Variants in PARD3B observed in about 807,000 individuals in gnomAD.
The protein encoded by PARD3B is partitioning defective 3 homolog B.
A neutral mutation model predicts 130.2 loss-of-function variants in PARD3B; 103 were observed. The observed-to-expected ratio is 0.79, with a 90% confidence interval of 0.67 to 0.93. PARD3B has a LOEUF of 0.93. Ranked by LOEUF, PARD3B falls within the 40% of genes least tolerant of loss-of-function variation. The pLI is 0.00. For missense variants in PARD3B, 1,609 were observed against 1,499.2 expected (o/e 1.07, Z -1.21); for synonymous variants, 583 against 553.2 (o/e 1.05, Z -0.76).
At chr2:205,489,567 T>TAC (rs1553524316) in intron 20 of PARD3B, among the ~76,000 whole-genome samples, 16 of 147,730 alleles carry the variant, frequency 1.1e-4, no homozygotes, top group South Asian at 4.2e-4. Flanking sequence ...TACATATATA[T>TAC]ACACACACAC....
intron 15 of PARD3B, among the ~76,000 whole-genome samples, chr2:205,194,046 A>G (rs1235953113): frequency 2.6e-5 from 4 of 152,184 alleles, no homozygotes; most frequent in Non-Finnish European, 5.9e-5. Context: ...CTGCCCTCCC[A>G]TGGGCTCTTA....
At chr2:205,582,669 T>G (rs564053564) in intron 22 of PARD3B, among the ~76,000 whole-genome samples, 25 of 125,832 alleles carry the variant, frequency 2.0e-4, no homozygotes, top group Admixed American at 6.7e-4. Context: ...AAGGTTATTG[T>G]TTTTTTTTTT....
At chr2:204,672,588 A>C (rs902859513) in intron 1 of PARD3B, among the ~76,000 whole-genome samples, 4 of 152,216 alleles carry the variant, frequency 2.6e-5, no homozygotes, top group African/African-American at 9.7e-5. Flanking sequence ...TTTGTTGCAA[A>C]TGAAAAACAA....
chr2:204,746,843 ATTTG>A (rs2040251914), intron 2 of PARD3B, among the ~76,000 whole-genome samples: 1 of 152,020 alleles, frequency 6.6e-6, no homozygotes, highest in South Asian at 2.1e-4. Context: ...TTTCTTGTAA[ATTTG>A]TTTGAGTTCT....
In PARD3B at chr2:205,269,676, G is replaced by T. The variant is rs970153238; in HGVS notation, c.2185+23854G>T. Among the ~76,000 whole-genome samples, 10 of 152,104 alleles carry T rather than the reference G, an allele frequency of 6.6e-5. No homozygotes were observed. Among genetic ancestry groups the T allele is most frequent in the African/African-American group, 2.4e-4 (10 of 41,418 alleles). On this transcript the variant is annotated intron_variant, in intron 16 of 22. Transcript: ENST00000406610. The surrounding 1 kb of genome is among the most constrained non-coding windows in gnomAD (Gnocchi z 4.7). The stretch of plus-strand genomic sequence containing the variant: ...CTGAACTGGAATAGTCATTTTAGCT[G>T]TCAGAAATATTTCTTTTCCTAGTAA...
At chr2:204,960,390 C>G (rs1454240861) in intron 2 of PARD3B, among the ~76,000 whole-genome samples, 4 of 152,048 alleles carry the variant, frequency 2.6e-5, no homozygotes, top group Non-Finnish European at 4.4e-5. Context: ...TAGATAATCT[C>G]CAGTTTTGGA....
In PARD3B at chr2:205,498,272, C is replaced by T. The variant is rs1217299640; in HGVS notation, c.3045-1624C>T. ...ATCCCAGTACTTTGGGAGGCCGAGG[C>T]GAGTGGATCACCTGAGGTCAGGAGT... On this transcript the variant is annotated intron_variant, in intron 20 of 22. Coordinates refer to ENST00000406610, the MANE Select transcript of PARD3B (RefSeq NM_001302769.2). Among the ~76,000 whole-genome samples, 5 of 150,242 alleles carry T rather than the reference C, an allele frequency of 3.3e-5. No homozygotes were observed. The South Asian group carries it at 8.4e-4, about 25-fold the overall frequency.
chr2:204,735,333 T>C (rs985425068), intron 2 of PARD3B, among the ~76,000 whole-genome samples: 1 of 143,720 alleles, frequency 7.0e-6, no homozygotes, highest in Non-Finnish European at 1.5e-5. Flanking sequence ...TGTTTGTTAA[T>C]GTGCACCCCC....
chr2:204,903,290 A>G (rs1455224776), intron 2 of PARD3B, among the ~76,000 whole-genome samples: 1 of 152,242 alleles, frequency 6.6e-6, no homozygotes, highest in Non-Finnish European at 1.5e-5. Context: ...CTTATGACTC[A>G]GAGTGAAAGA....
intron 1 of PARD3B, among the ~76,000 whole-genome samples, chr2:204,670,791 C>A (rs1310015462): frequency 6.6e-6 from 1 of 152,100 alleles, no homozygotes; most frequent in East Asian, 1.9e-4. Flanking sequence ...TTGTCTCGTG[C>A]AAACTTTTGG....
intron 20 of PARD3B, among the ~76,000 whole-genome samples, chr2:205,484,605 T>G (rs994525043): frequency 2.0e-5 from 3 of 152,166 alleles, no homozygotes; most frequent in African/African-American, 7.2e-5. Flanking sequence ...TGCAGATAAT[T>G]GAGAGCTGAC....
intron 19 of PARD3B, among the ~76,000 whole-genome samples, chr2:205,425,617 T>G (rs2047120903): frequency 6.6e-6 from 1 of 150,664 alleles, no homozygotes; most frequent in South Asian, 2.1e-4. Context: ...CCATGTAGGA[T>G]ATGGAAGTCT....
intron 2 of PARD3B, among the ~76,000 whole-genome samples, chr2:204,833,699 G>A (rs1305764223): frequency 6.6e-6 from 1 of 151,994 alleles, no homozygotes; most frequent in East Asian, 1.9e-4. Flanking sequence ...CATGCCTTTT[G>A]CCTTCCGCCA....
At chr2:205,402,528 G>A (rs1349557642) in intron 19 of PARD3B, among the ~76,000 whole-genome samples, 1 of 152,078 alleles carries the variant, frequency 6.6e-6, no homozygotes, top group Non-Finnish European at 1.5e-5. Flanking sequence ...ACTTGGGACA[G>A]GGGAAAAAAA....
chr2:205,218,749 A>C (rs1462389846), intron 15 of PARD3B, among the ~76,000 whole-genome samples: 2 of 152,088 alleles, frequency 1.3e-5, no homozygotes, highest in Admixed American at 6.6e-5. Flanking sequence ...GAGATGTCCA[A>C]AGAAATCTCT....
intron 10 of PARD3B, among the ~76,000 whole-genome samples, chr2:205,137,500 C>T (rs899333799): frequency 5.3e-5 from 8 of 152,172 alleles, no homozygotes; most frequent in Non-Finnish European, 1.0e-4. Flanking sequence ...AATTTAAAAT[C>T]GAACTAATGC....
intron 10 of PARD3B, among the ~76,000 whole-genome samples, chr2:205,152,165 C>G (rs1407193243): frequency 6.6e-6 from 1 of 152,172 alleles, no homozygotes; most frequent in African/African-American, 2.4e-5. Flanking sequence ...TGTGGGTAAC[C>G]TGACCTTTCT....
chr2:205,435,216 T>C (rs2047471954), intron 19 of PARD3B, among the ~76,000 whole-genome samples: 1 of 152,130 alleles, frequency 6.6e-6, no homozygotes, highest in Non-Finnish European at 1.5e-5. Flanking sequence ...TATGTGAGGA[T>C]ATATATCATA....
At chr2:205,520,801 T>A (rs1487937349) in intron 21 of PARD3B, among the ~76,000 whole-genome samples, 7 of 152,098 alleles carry the variant, frequency 4.6e-5, no homozygotes, top group Admixed American at 1.3e-4. Flanking sequence ...CTCATGACAT[T>A]AAACAATCTT....
Sources: gnomAD v4.1 joint callset for allele counts (sites outside exome capture counted in the v4.1 genomes callset) on GRCh38, gnomAD v4.1.1 for gene constraint, Gnocchi (gnomAD v3.1) non-coding constraint, MANE v1.5 for transcripts, NCBI Gene and HGNC (gene_info 2026-07-23, HGNC 2026-07-21) for gene names.